Variants in L3MBTL1 observed in about 807,000 individuals in gnomAD.
L3MBTL1 encodes the protein L3MBTL histone methyl-lysine binding protein 1.
In L3MBTL1, 75 loss-of-function variants were observed where a neutral mutation model predicts 105.3. The ratio of observed to expected loss-of-function variants is 0.71; its 90% CI spans 0.59 to 0.86. The LOEUF (loss-of-function observed/expected upper bound fraction) is 0.86, where lower values mean the gene tolerates loss of function less well. L3MBTL1 is among the 40% of genes least tolerant of loss of function. The pLI, the probability that L3MBTL1 is intolerant of heterozygous loss-of-function variation, is 0.00. For synonymous variants in L3MBTL1, 452 were observed against 436.2 expected (o/e 1.04, Z -0.45); for missense variants, 1,069 against 1,126.4 (o/e 0.95, Z 0.73).
downstream of L3MBTL1, among the ~76,000 whole-genome samples, chr20:43,543,878 G>A (rs1419114667): frequency 1.3e-5 from 2 of 152,196 alleles, no homozygotes; most frequent in African/African-American, 4.8e-5. Context: ...TTGTGTATTT[G>A]TCTAATTCAT....
chr20:43,523,694 A>G (rs932943330), intron 7 of L3MBTL1: 7 of 154,142 alleles, frequency 4.5e-5, no homozygotes, highest in African/African-American at 1.7e-4. Context: ...TCTATAGGAC[A>G]TTTTTAAATT....
intron 20 of L3MBTL1, 133 bp downstream of exon 20, chr20:43,540,441 C>T: frequency 9.6e-7 from 1 of 1,045,094 alleles, no homozygotes; most frequent in Non-Finnish European, 1.4e-6. Context: ...CTGTCCTGTG[C>T]ACAGTCCCTT....
At chr20:43,527,060 C>T (rs949599406) in intron 7 of L3MBTL1, among the ~76,000 whole-genome samples, 1 of 152,146 alleles carries the variant, frequency 6.6e-6, no homozygotes, top group South Asian at 2.1e-4. Flanking sequence ...CCTGAATTAT[C>T]CAGGGTAGTA....
At position 43,515,414 on chromosome 20, in the gene L3MBTL1, T is replaced by C; in HGVS notation, c.776T>C (p.Met259Thr). ...PSEEESEPEA[M>T]EKQEEGKDPE... ...GAGGAGGAGTCGGAGCCAGAGGCCA[T>C]GGTAGGAAGAGGGCAGTGGGGAAGG... Residue 259 changes from methionine (M) to threonine (T), a missense_variant and splice_region_variant, in exon 6 of 22, where the codon ATG becomes ACG. By Grantham distance (81) the Met-to-Thr change is moderately conservative. Coordinates refer to ENST00000418998, the MANE Select transcript of L3MBTL1 (RefSeq NM_001377303.1). The C allele has an allele frequency of 1.3e-6, 2 of 1,555,678 alleles. No homozygotes were observed. Among genetic ancestry groups the C allele is most frequent in the Non-Finnish European group, 1.7e-6 (2 of 1,148,624 alleles).
downstream of L3MBTL1, among the ~76,000 whole-genome samples, chr20:43,545,384 G>A (rs1978528647): frequency 6.6e-6 from 1 of 151,904 alleles, no homozygotes; most frequent in Non-Finnish European, 1.5e-5. Flanking sequence ...AAAAAAAGGT[G>A]GGGAGCTCCA....
At chr20:43,529,541 A>T (rs1023160195) in intron 9 of L3MBTL1, among the ~76,000 whole-genome samples, 173 bp downstream of exon 9, 3 of 152,226 alleles carry the variant, frequency 2.0e-5, no homozygotes, top group Non-Finnish European at 2.9e-5. Context: ...GATGGAGTTC[A>T]TGGGACAGTC....
At chr20:43,518,624 C>T (rs2018529084) in intron 7 of L3MBTL1, among the ~76,000 whole-genome samples, 1 of 152,024 alleles carries the variant, frequency 6.6e-6, no homozygotes, top group Admixed American at 6.6e-5. Flanking sequence ...ATTCCAAGAA[C>T]CCCAGTGGAC....
intron 20 of L3MBTL1, 96 bp from the exon 21 acceptor site, chr20:43,540,657 T>A: frequency 8.4e-7 from 1 of 1,185,634 alleles, no homozygotes; most frequent in Admixed American, 1.9e-5. Context: ...AAAAGCAGCA[T>A]TGGCACAGCT....
Position 43,513,658 on chromosome 20 carries a change from G to A in L3MBTL1, c.136+19G>A. 6.4e-7 allele frequency: 1 copy of A among 1,550,520 alleles called. No individual in the cohort carries two copies. The highest frequency in any genetic ancestry group is 8.7e-7 in the Non-Finnish European group (1 of 1,146,928). ...ATTCCAGGTGAGTCAAGCTAGGGTA[G>A]GAGTCTGGGAAGGAAGAGCATCTCT... On this transcript the variant is annotated intron_variant, in intron 2 of 21. Coordinates refer to ENST00000418998, the MANE Select transcript of L3MBTL1 (RefSeq NM_001377303.1).
rs1426274315 is a variant in L3MBTL1 at position 43,540,964 on chromosome 20, G to A, written c.2425G>A (p.Gly809Arg). 1 of 1,614,092 alleles carries A rather than the reference G, an allele frequency of 6.2e-7. No homozygotes were observed. Among genetic ancestry groups the A allele is most frequent in the Non-Finnish European group, 8.5e-7 (1 of 1,180,004 alleles). Residue 809 changes from glycine to arginine, a missense_variant, in exon 22 of 22, where the codon GGG (glycine) becomes AGG (arginine). Transcript: ENST00000418998. Reference sequence around the variant, plus strand: ...AATAGTCAGAGTGACCCATGTATCTGGGAAGACTCTAGTCTGGACTGTGGC... The same window carrying A: ...AATAGTCAGAGTGACCCATGTATCTAGGAAGACTCTAGTCTGGACTGTGGC... Reference protein sequence around the residue: ...ARIVRVTHVSGKTLVWTVAQL... With the variant: ...ARIVRVTHVSRKTLVWTVAQL...
intron 1 of L3MBTL1, among the ~76,000 whole-genome samples, chr20:43,512,699 C>T (rs1222932421): frequency 6.6e-6 from 1 of 152,172 alleles, no homozygotes; most frequent in Non-Finnish European, 1.5e-5. Flanking sequence ...GCAAGTAGGA[C>T]AGTGGTCAGT....
At chr20:43,512,968 A>G (rs1419090535) in intron 1 of L3MBTL1, among the ~76,000 whole-genome samples, 2 of 152,240 alleles carry the variant, frequency 1.3e-5, no homozygotes, top group African/African-American at 4.8e-5. Context: ...GGGCCATAAA[A>G]GAACATGATC....
At chr20:43,519,985 TGGGG>T (rs1426731437) in intron 7 of L3MBTL1, among the ~76,000 whole-genome samples, 1 of 152,176 alleles carries the variant, frequency 6.6e-6, no homozygotes, top group Non-Finnish European at 1.5e-5. Flanking sequence ...TACAATTCAG[TGGGG>T]TTTTTTTTTG....
At chr20:43,540,372 G>A in intron 20 of L3MBTL1, 64 bp downstream of exon 20, 1 of 1,579,938 alleles carries the variant, frequency 6.3e-7, no homozygotes, top group Non-Finnish European at 8.6e-7. Context: ...CCATACCCTG[G>A]TGGAAAGGCC....
chr20:43,509,258 T>C (rs983297005), intron 1 of L3MBTL1, among the ~76,000 whole-genome samples: 19 of 151,914 alleles, frequency 1.3e-4, no homozygotes, highest in Non-Finnish European at 7.4e-5. Context: ...AGGGTCTTGC[T>C]CTGTCGCCCA....
At chr20:43,534,455 C>A in intron 15 of L3MBTL1, 61 bp downstream of exon 15, 1 of 1,340,330 alleles carries the variant, frequency 7.5e-7, no homozygotes, top group Non-Finnish European at 1.1e-6. Context: ...ATTCTGTAGA[C>A]TGTTTAGAGG....
At chr20:43,534,261 G>C (rs773158851) in intron 14 of L3MBTL1, 23 bp from the exon 15 acceptor site, 72 of 1,607,372 alleles carry the variant, frequency 4.5e-5, no homozygotes, top group Non-Finnish European at 5.9e-5. Flanking sequence ...GCCTTGCCCT[G>C]AAGGCAGCTG....
At chr20:43,515,239 G>C (rs964960199) in intron 5 of L3MBTL1, 53 bp from the exon 6 acceptor site, 1 of 1,612,862 alleles carries the variant, frequency 6.2e-7, no homozygotes, top group Non-Finnish European at 8.5e-7. Flanking sequence ...TTAGGAGAGG[G>C]GCTGGGTGGT....
intron 3 of L3MBTL1, 63 bp from the exon 4 acceptor site, chr20:43,514,572 G>C (rs772502710): frequency 1.3e-6 from 2 of 1,596,110 alleles, no homozygotes; most frequent in East Asian, 2.3e-5. Flanking sequence ...CCATGGCACC[G>C]ACTCCGAGAT....
Sources: allele counts gnomAD v4.1 joint callset (sites outside exome capture counted in the v4.1 genomes callset), GRCh38; gene constraint gnomAD v4.1.1; transcripts MANE v1.5; gene names NCBI Gene and HGNC (gene_info 2026-07-23, HGNC 2026-07-21).